The following DHX30 variants were observed in gnomAD, a reference collection of about 807,000 sequenced individuals.
DHX30 encodes DExH-box helicase 30.
Under a neutral mutation model 116.9 loss-of-function variants are expected in DHX30, and 4 were observed. The observed-to-expected ratio is 0.03, with a 90% CI of 0.02 to 0.08. The LOEUF (loss-of-function observed/expected upper bound fraction) is 0.08. Ranked by LOEUF, DHX30 falls within the 10% of genes least tolerant of loss-of-function variation. DHX30 has a pLI of 1.00. For synonymous variants in DHX30, 697 were observed against 651.7 expected, an observed-to-expected ratio of 1.07 and a Z score of -1.06; for missense variants, 871 against 1,595.1, an observed-to-expected ratio of 0.55 and a Z score of 7.73.
chr3:47,849,526 A>G lies in DHX30; in HGVS notation c.3163A>G (p.Ile1055Val), dbSNP rs761538529. 1 of 1,606,948 alleles carries G rather than the reference A, an allele frequency of 6.2e-7. No homozygotes were observed. The highest frequency in any genetic ancestry group is 8.5e-7 in the Non-Finnish European group (1 of 1,174,386). Residue 1055 changes from isoleucine (I) to valine (V), a missense_variant, in exon 20 of 22, where the codon ATC becomes GTC. Physicochemically the swap from Ile to Val is conservative, Grantham distance 29. Around this residue, in one of 13 missense-constraint regions of DHX30, gnomAD observed 238 missense variants for 481.0 expected, o/e 0.49. Transcript: ENST00000445061. ...CACATATAGGACCAAATCAGGCAACATCCTGCTGCACAAGTCGACCATTAA... is the reference window on the plus strand; with the variant it reads ...CACATATAGGACCAAATCAGGCAACGTCCTGCTGCACAAGTCGACCATTAA... ...SVTYRTKSGNILLHKSTINRE... is the reference protein window; with the variant it reads ...SVTYRTKSGNVLLHKSTINRE...
intron 3 of DHX30, among the ~76,000 whole-genome samples, chr3:47,812,789 G>C (rs1300483501): frequency 6.7e-6 from 1 of 149,216 alleles, no homozygotes; most frequent in Non-Finnish European, 1.5e-5. Context: ...TCAGCCTCCC[G>C]AGTAGCTGGG....
At chr3:47,829,315 T>TATATATAGATA (rs869292091) in intron 6 of DHX30, among the ~76,000 whole-genome samples, 181 bp downstream of exon 6, 1 of 32,852 alleles carries the variant, frequency 3.0e-5, no homozygotes, top group African/African-American at 1.3e-4. Flanking sequence ...TATATATATA[T>TATATATAGATA]TTTTTTTTTT....
chr3:47,840,970 T>A lies in DHX30; in HGVS notation c.460T>A (p.Trp154Arg). 6.2e-7 allele frequency: 1 copy of A among 1,614,176 alleles called. No homozygotes were observed. ...DRFGSPADSW[W>R]RPEPTMPPTS... Reference sequence around the variant, plus strand: ...CTTTGGCTCCCCTGCCGACAGCTGGTGGCGTCCGGAACCCACCATGCCCCC... The same window carrying A: ...CTTTGGCTCCCCTGCCGACAGCTGGAGGCGTCCGGAACCCACCATGCCCCC... Residue 154 changes from tryptophan to arginine, a missense_variant, in exon 7 of 22, where the codon TGG (tryptophan) becomes AGG (arginine). Physicochemically the swap from Trp to Arg is moderately radical, Grantham distance 101 (BLOSUM62 -3). Around this residue, in one of 13 missense-constraint regions of DHX30, gnomAD observed 109 missense variants for 118.8 expected, o/e 0.92. Transcript: ENST00000445061.
At chr3:47,815,138 T>C (rs1270215691) in intron 3 of DHX30, among the ~76,000 whole-genome samples, 2 of 152,172 alleles carry the variant, frequency 1.3e-5, no homozygotes, top group Non-Finnish European at 2.9e-5. Flanking sequence ...TTCCCGAGTT[T>C]CATTGACTGG....
In DHX30 at chr3:47,849,091, C is replaced by T; in HGVS notation, c.2929+12C>T. 2 of 1,610,102 alleles carry T rather than the reference C, an allele frequency of 1.2e-6. No homozygotes were observed. The highest frequency in any genetic ancestry group is 1.7e-6 in the Non-Finnish European group (2 of 1,177,398). Reference sequence around the variant, plus strand: ...GCGCTTCATCCACGGTCAGTCGGGCCCACACCTGCTCTCCTGAGCCCCTCC... The same window carrying T: ...GCGCTTCATCCACGGTCAGTCGGGCTCACACCTGCTCTCCTGAGCCCCTCC... On this transcript the variant is annotated intron_variant, in intron 18 of 21. Coordinates refer to ENST00000445061, the MANE Select transcript of DHX30 (RefSeq NM_138615.3).
At chr3:47,840,462 T>C (rs2037323081) in intron 6 of DHX30, among the ~76,000 whole-genome samples, 1 of 151,452 alleles carries the variant, frequency 6.6e-6, no homozygotes, top group African/African-American at 2.4e-5. Flanking sequence ...CTGGGCAACA[T>C]GGTGAAGCCC....
At position 47,848,421 on chromosome 3, in the gene DHX30, C is replaced by A. The variant is rs182034318; in HGVS notation, c.2493+35C>A. 244 of 1,613,662 alleles carry A rather than the reference C, an allele frequency of 1.5e-4. No homozygotes were observed. The highest frequency in any genetic ancestry group is 2.0e-4 in the Non-Finnish European group (233 of 1,179,946). On this transcript the variant is annotated intron_variant, in intron 15 of 21. Coordinates refer to ENST00000445061, the MANE Select transcript of DHX30 (RefSeq NM_138615.3). This position sits in a 1 kb window ranked among gnomAD's most constrained non-coding sequence, Gnocchi z 9.4. ...GGCGGGGCAGGGGCTGGCCTGGGGA[C>A]CAGGCAGGTGGGAGGCAGGCTCATG...
intron 2 of DHX30, among the ~76,000 whole-genome samples, chr3:47,806,048 G>A (rs1020618576): frequency 2.0e-5 from 3 of 152,074 alleles, no homozygotes; most frequent in Non-Finnish European, 4.4e-5. Flanking sequence ...CTGGAGTGCA[G>A]TGGTGCAATC....
rs372938025 is a variant in DHX30, at chr3:47,848,592, C to T, written c.2576-32C>T. 69 of 1,613,826 alleles carry T rather than the reference C, an allele frequency of 4.3e-5. No homozygotes were observed. The highest frequency in any genetic ancestry group is 1.3e-4 in the African/African-American group (10 of 74,898). ...CTGGGCTGGGCTGGGGAGTGGCTCTCGAGGGTGGTACTGACAGCTGAGCCG... is the reference window on the plus strand; with the variant it reads ...CTGGGCTGGGCTGGGGAGTGGCTCTTGAGGGTGGTACTGACAGCTGAGCCG... On this transcript the variant is annotated intron_variant, in intron 16 of 21. Coordinates refer to ENST00000445061, the MANE Select transcript of DHX30 (RefSeq NM_138615.3). This position sits in a 1 kb window ranked among gnomAD's most constrained non-coding sequence, Gnocchi z 9.4.
Position 47,805,892 on chromosome 3 carries a change from C to T in DHX30, c.-28+472C>T, listed in dbSNP as rs375903851. Among the ~76,000 whole-genome samples the T allele has an allele frequency of 1.1e-3, 167 of 152,288 alleles. 2 individuals are homozygous for T. In the South Asian group the frequency reaches 0.034, roughly 31 times the overall value. Reference sequence around the variant, plus strand: ...GGAGTCTCTGTCCTGGAACCATCCCCAAGTGACTCTACCTGGAGTTAAATT... The same window carrying T: ...GGAGTCTCTGTCCTGGAACCATCCCTAAGTGACTCTACCTGGAGTTAAATT... On this transcript the variant is annotated intron_variant, in intron 2 of 21. Coordinates refer to ENST00000445061, the MANE Select transcript of DHX30 (RefSeq NM_138615.3).
intron 3 of DHX30, among the ~76,000 whole-genome samples, chr3:47,813,298 G>A (rs570362995): frequency 1.3e-5 from 2 of 152,284 alleles, no homozygotes; most frequent in African/African-American, 2.4e-5. Context: ...AGCCGAGATC[G>A]CGCCACTGTC....
intron 3 of DHX30, among the ~76,000 whole-genome samples, chr3:47,811,851 C>T (rs2035803002): frequency 6.6e-6 from 1 of 151,726 alleles, no homozygotes; most frequent in African/African-American, 2.4e-5. Flanking sequence ...ATTGCCTGAG[C>T]TCAGGAGTTC....
intron 2 of DHX30, among the ~76,000 whole-genome samples, chr3:47,810,244 G>C (rs1325957822): frequency 6.6e-6 from 1 of 152,192 alleles, no homozygotes; most frequent in African/African-American, 2.4e-5. Flanking sequence ...AGGGGTCCAT[G>C]TAGAATTTCG....
intron 4 of DHX30, among the ~76,000 whole-genome samples, chr3:47,825,498 G>T (rs1057166182): frequency 6.6e-6 from 1 of 152,214 alleles, no homozygotes; most frequent in African/African-American, 2.4e-5. Context: ...AGGGAGTGGG[G>T]AAAACGAGTA....
At chr3:47,841,254 C>T (rs746858663) in intron 7 of DHX30, 76 bp downstream of exon 7, 92 of 1,554,156 alleles carry the variant, frequency 5.9e-5, no homozygotes, top group Non-Finnish European at 7.3e-5. Context: ...TCTCTGCTAG[C>T]TTTCTCTGAG....
At chr3:47,821,342 C>G (rs1378672288) in intron 4 of DHX30, among the ~76,000 whole-genome samples, 2 of 151,532 alleles carry the variant, frequency 1.3e-5, no homozygotes, top group East Asian at 3.9e-4. Context: ...CTTGGCTCAC[C>G]GCAACCTCCG....
At chr3:47,813,366 T>C (rs1017617044) in intron 3 of DHX30, among the ~76,000 whole-genome samples, 9 of 151,966 alleles carry the variant, frequency 5.9e-5, no homozygotes, top group Admixed American at 5.9e-4. Flanking sequence ...TTCTGGCAAG[T>C]CTTGAAATTA....
chr3:47,823,139 T>C (rs1281449041), intron 4 of DHX30, among the ~76,000 whole-genome samples: 1 of 150,850 alleles, frequency 6.6e-6, no homozygotes. Flanking sequence ...GGGTTTCCCC[T>C]TATTAATCTA....
Position 47,847,155 on chromosome 3 carries a change from A to C in DHX30, c.1930-118A>C. The C allele has an allele frequency of 6.8e-7, 1 of 1,470,186 alleles. No homozygotes were observed. Among genetic ancestry groups the C allele is most frequent in the Non-Finnish European group, 9.5e-7 (1 of 1,058,138 alleles). 91.1% of individuals were successfully genotyped at this position (1,470,186 alleles called of 1,614,324 possible). On this transcript the variant is annotated intron_variant, in intron 11 of 21. Transcript: ENST00000445061. The surrounding 1 kb of genome is among the most constrained non-coding windows in gnomAD (Gnocchi z 5.5). ...TGGGGACTAACCCTGCCTGCGTGGC[A>C]CACGTGAGGATTGGAGTTGATGTCA...
Sources: allele counts gnomAD v4.1 joint callset (sites outside exome capture counted in the v4.1 genomes callset), GRCh38; gene constraint gnomAD v4.1.1; regional missense constraint gnomAD v4.1.1; non-coding constraint Gnocchi (gnomAD v3.1); transcripts MANE v1.5; gene names NCBI Gene and HGNC (gene_info 2026-07-23, HGNC 2026-07-21).